Variants in EPHA6 observed in about 807,000 individuals in gnomAD.
The protein encoded by EPHA6 is EPH receptor A6.
EPHA6 carries 50 observed loss-of-function variants against 112.0 expected under a neutral mutation model. The ratio of observed to expected loss-of-function variants is 0.45; its 90% confidence interval spans 0.36 to 0.56. EPHA6 has a LOEUF of 0.56. Among genes scored for constraint, EPHA6 ranks in the 20% least tolerant of loss-of-function variants. The pLI, the probability that EPHA6 is intolerant of heterozygous loss-of-function variation, is 0.00. For missense variants in EPHA6, 1,280 were observed against 1,417.4 expected (o/e 0.90, Z 1.56); for synonymous variants, 529 against 490.7 (o/e 1.08, Z -1.03).
intron 1 of EPHA6, among the ~76,000 whole-genome samples, chr3:96,845,628 A>G (rs1455820140): frequency 1.3e-5 from 2 of 151,972 alleles, no homozygotes; most frequent in Non-Finnish European, 2.9e-5. Flanking sequence ...TTTACTTGCT[A>G]GGAAAACTAA....
intron 3 of EPHA6, among the ~76,000 whole-genome samples, chr3:97,187,745 GAGGAAA>G (rs1559784797): frequency 1.3e-4 from 18 of 138,302 alleles, no homozygotes; most frequent in African/African-American, 4.9e-4. Flanking sequence ...AAGAAAGAAA[GAGGAAA>G]GAAAGAAAGA....
chr3:97,526,073 A>C (rs2092615637), intron 10 of EPHA6, among the ~76,000 whole-genome samples: 1 of 152,142 alleles, frequency 6.6e-6, no homozygotes, highest in Admixed American at 6.6e-5. Flanking sequence ...GCCCCCACGA[A>C]TAGGTATGTG....
chr3:97,176,174 C>T (rs1190358508), intron 3 of EPHA6, among the ~76,000 whole-genome samples: 1 of 151,634 alleles, frequency 6.6e-6, no homozygotes, highest in Non-Finnish European at 1.5e-5. Context: ...TTTTATTTTT[C>T]ATTCTGCTGA....
chr3:97,463,768 CA>C, intron 7 of EPHA6, among the ~76,000 whole-genome samples: 1 of 152,230 alleles, frequency 6.6e-6, no homozygotes, highest in African/African-American at 2.4e-5. Context: ...TCATTCCATG[CA>C]CACAGACTTT....
At chr3:97,304,679 A>G (rs2081240202) in intron 5 of EPHA6, among the ~76,000 whole-genome samples, 1 of 152,088 alleles carries the variant, frequency 6.6e-6, no homozygotes, top group Non-Finnish European at 1.5e-5. Flanking sequence ...TGCTGGGAAA[A>G]CTGCCTATCG....
intron 4 of EPHA6, among the ~76,000 whole-genome samples, chr3:97,236,890 A>G (rs939703879): frequency 1.3e-5 from 2 of 152,062 alleles, no homozygotes; most frequent in Non-Finnish European, 2.9e-5. Flanking sequence ...CAGCTGCTCT[A>G]GCCACATCGC....
At chr3:97,331,826 G>A (rs1165152335) in intron 5 of EPHA6, among the ~76,000 whole-genome samples, 1 of 152,118 alleles carries the variant, frequency 6.6e-6, no homozygotes, top group Admixed American at 6.6e-5. Context: ...TTTACCAGAG[G>A]TACAAGGAGG....
intron 10 of EPHA6, among the ~76,000 whole-genome samples, chr3:97,509,206 G>A (rs1049970477): frequency 4.6e-5 from 7 of 151,488 alleles, no homozygotes; most frequent in African/African-American, 1.2e-4. Context: ...ATATTGCTAT[G>A]CGTGAATTTG....
chr3:97,610,009 C>T (rs1460823562), intron 12 of EPHA6, among the ~76,000 whole-genome samples: 2 of 151,412 alleles, frequency 1.3e-5, no homozygotes, highest in South Asian at 2.1e-4. Context: ...TTATTTATGT[C>T]GAATATTCTA....
chr3:97,254,998 C>T (rs962518520), intron 5 of EPHA6, among the ~76,000 whole-genome samples: 6 of 152,150 alleles, frequency 3.9e-5, no homozygotes, highest in Non-Finnish European at 5.9e-5. Context: ...AGTTTATCAT[C>T]GCCAACCACC....
chr3:97,273,883 G>C (rs2079977079), intron 5 of EPHA6, among the ~76,000 whole-genome samples: 1 of 152,172 alleles, frequency 6.6e-6, no homozygotes, highest in Non-Finnish European at 1.5e-5. Context: ...TGTCTACCCA[G>C]ACTAAGAGGT....
At chr3:96,829,669 G>A (rs2033894114) in intron 1 of EPHA6, among the ~76,000 whole-genome samples, 1 of 151,980 alleles carries the variant, frequency 6.6e-6, no homozygotes, top group Admixed American at 6.6e-5. Flanking sequence ...CTCTCTTTCA[G>A]TCCCAAGTGG....
intron 12 of EPHA6, among the ~76,000 whole-genome samples, chr3:97,599,705 C>T (rs1172656673): frequency 2.6e-5 from 4 of 152,110 alleles, no homozygotes; most frequent in African/African-American, 9.7e-5. Context: ...TAGTGTGATG[C>T]CTCCAGCTTT....
intron 5 of EPHA6, among the ~76,000 whole-genome samples, chr3:97,271,439 A>G (rs1277288688): frequency 6.6e-6 from 1 of 152,166 alleles, no homozygotes; most frequent in African/African-American, 2.4e-5. Flanking sequence ...GCTCACTGCA[A>G]CCTCCGCTCC....
chr3:97,466,616 G>A, intron 7 of EPHA6: 1 of 620,918 alleles, frequency 1.6e-6, no homozygotes, highest in Non-Finnish European at 2.9e-6. Context: ...TCATGTATTT[G>A]CAAGAGTTTA....
chr3:96,985,725 T>C (rs1483029762), intron 2 of EPHA6, among the ~76,000 whole-genome samples: 2 of 152,168 alleles, frequency 1.3e-5, no homozygotes, highest in African/African-American at 4.8e-5. Context: ...GGATAAAGAT[T>C]GTGTTAAGTT....
intron 5 of EPHA6, among the ~76,000 whole-genome samples, chr3:97,244,877 A>G (rs1419194121): frequency 6.6e-6 from 1 of 151,976 alleles, no homozygotes; most frequent in African/African-American, 2.4e-5. Flanking sequence ...AACATCATAG[A>G]TTTTTACTAT....
chr3:97,504,685 C>T (rs2092201710), intron 10 of EPHA6, among the ~76,000 whole-genome samples: 1 of 152,044 alleles, frequency 6.6e-6, no homozygotes, highest in African/African-American at 2.4e-5. Flanking sequence ...AAACTGCCTG[C>T]CCGATGGTAT....
chr3:97,545,298 AT>A (rs765363453), intron 11 of EPHA6, among the ~76,000 whole-genome samples: 14 of 151,914 alleles, frequency 9.2e-5, no homozygotes, highest in Non-Finnish European at 2.1e-4. Context: ...GAACATCTTT[AT>A]TTCTGCCTTC....
Sources: gnomAD v4.1 joint callset for allele counts (sites outside exome capture counted in the v4.1 genomes callset) on GRCh38, gnomAD v4.1.1 for gene constraint, MANE v1.5 for transcripts, NCBI Gene and HGNC (gene_info 2026-07-23, HGNC 2026-07-21) for gene names.